TM2D3: variants seen among roughly 807,000 people sequenced by gnomAD.
The protein encoded by TM2D3 is TM2 domain-containing protein 3.
In TM2D3, 33 loss-of-function variants were observed where a neutral mutation model predicts 27.3. That is an observed-to-expected ratio of 1.21 (90% CI 0.92 to 1.61). The LOEUF is 1.61. Ranked by LOEUF, TM2D3 falls within the 40% of genes most tolerant of loss-of-function variation. The pLI is 0.00. For missense variants in TM2D3, 364 were observed against 320.8 expected, an observed-to-expected ratio of 1.13 and a Z score of -1.03; for synonymous variants, 138 against 122.2, an observed-to-expected ratio of 1.13 and a Z score of -0.85.
intron 4 of TM2D3, chr15:101,645,477 C>T (rs115768189): frequency 1.4e-3 from 448 of 310,772 alleles, no homozygotes; most frequent in African/African-American, 9.3e-3. Flanking sequence ...AAGAGAAAGT[C>T]AAGAACCAGA....
Position 101,642,571 on chromosome 15 carries a change from T to C in TM2D3, c.652A>G (p.Ser218Gly). 1 of 1,612,874 alleles carries C rather than the reference T, an allele frequency of 6.2e-7. No homozygotes were observed. Among genetic ancestry groups the C allele is most frequent in the African/African-American group, 1.3e-5 (1 of 75,012 alleles). ...GTCCATATTCCCAGGCCACCGAAGC[T>C]GAAGAGCTTGCCGAGGCCTTCCCGC... is the stretch of plus-strand genomic sequence containing the variant. Reference protein sequence around the residue: ...QWREGLGKLFSFGGLGIWTLI... With the variant: ...QWREGLGKLFGFGGLGIWTLI... The change falls in exon 6 of 6, where the codon AGC (serine) becomes GGC (glycine). Residue 218 changes from serine to glycine, a missense_variant. Coordinates refer to ENST00000333202, the MANE Select transcript of TM2D3 (RefSeq NM_078474.3).
chr15:101,637,383 A>C (rs1896573366), downstream of TM2D3, among the ~76,000 whole-genome samples: 1 of 152,182 alleles, frequency 6.6e-6, no homozygotes, highest in South Asian at 2.1e-4. Context: ...AAAAGACCTG[A>C]AAGGGAAGGG....
chr15:101,646,936 T>C (rs1896829615), intron 3 of TM2D3, 37 bp from the exon 4 acceptor site: 1 of 1,611,236 alleles, frequency 6.2e-7, no homozygotes. Flanking sequence ...TCAATCACAA[T>C]GGTGTAGTCT....
intron 5 of TM2D3, among the ~76,000 whole-genome samples, chr15:101,644,051 G>C (rs1411094401): frequency 6.6e-6 from 1 of 152,054 alleles, no homozygotes; most frequent in Non-Finnish European, 1.5e-5. Flanking sequence ...TCACCATGTT[G>C]GCCAGGCTGG....
At chr15:101,650,326 T>C in intron 2 of TM2D3, 165 bp from the exon 3 acceptor site, 1 of 614,922 alleles carries the variant, frequency 1.6e-6, no homozygotes, top group Non-Finnish European at 2.7e-6. Flanking sequence ...AGCAGAATTC[T>C]GCCCACGGCC....
downstream of TM2D3, among the ~76,000 whole-genome samples, chr15:101,639,330 G>A (rs1166939804): frequency 6.6e-6 from 1 of 151,574 alleles, no homozygotes; most frequent in Non-Finnish European, 1.5e-5. Flanking sequence ...CAGAACAGAG[G>A]GGAAGCTTTA....
In TM2D3 at chr15:101,643,184, T is replaced by C. The variant is rs997923215; in HGVS notation, c.579-540A>G. Among the ~76,000 whole-genome samples, 10 of 152,246 alleles carry C rather than the reference T, an allele frequency of 6.6e-5. No homozygotes were observed. In the South Asian group the frequency reaches 8.3e-4, roughly 13 times the overall value. ...TAACAATAAAAAGTAAAGAGAACAG[T>C]ACCCATGACTCAGCTCCAATAATCA... On this transcript the variant is annotated intron_variant, in intron 5 of 5. Coordinates refer to ENST00000333202, the MANE Select transcript of TM2D3 (RefSeq NM_078474.3).
At chr15:101,640,107 G>A (rs1397463258), downstream of TM2D3, among the ~76,000 whole-genome samples, 1 of 152,222 alleles carries the variant, frequency 6.6e-6, no homozygotes, top group Non-Finnish European at 1.5e-5. Flanking sequence ...TGAACAGGAT[G>A]GCTATCTAAT....
At chr15:101,650,852 AAAG>A (rs1401179696) in intron 2 of TM2D3, among the ~76,000 whole-genome samples, 5 of 152,240 alleles carry the variant, frequency 3.3e-5, no homozygotes, top group East Asian at 1.9e-4. Context: ...GTATTCCTGA[AAAG>A]AAGGGCTTTC....
downstream of TM2D3, among the ~76,000 whole-genome samples, chr15:101,639,910 G>C (rs1419984766): frequency 6.6e-6 from 1 of 152,112 alleles, no homozygotes; most frequent in Non-Finnish European, 1.5e-5. Flanking sequence ...GACAATGGAG[G>C]GGGTAGACAT....
At chr15:101,633,232 A>G (rs1896486853) in exon 5 of TM2D3, 1 of 154,546 alleles carries the variant, frequency 6.5e-6, no homozygotes, top group African/African-American at 2.4e-5. Context: ...AACGTTTGGA[A>G]TGAAGATGAG....
intron 3 of TM2D3, among the ~76,000 whole-genome samples, chr15:101,648,594 C>A (rs1224245774): frequency 6.6e-6 from 1 of 152,204 alleles, no homozygotes; most frequent in Non-Finnish European, 1.5e-5. Flanking sequence ...AGGCCAAGTA[C>A]GCTCTGTGCT....
At chr15:101,639,079 G>A (rs1331383627), downstream of TM2D3, among the ~76,000 whole-genome samples, 2 of 152,166 alleles carry the variant, frequency 1.3e-5, no homozygotes, top group African/African-American at 4.8e-5. Context: ...AAAGTGTTGT[G>A]TTTATGGAAG....
rs765896323 is a variant in TM2D3, at chr15:101,650,102, G to A, written c.229C>T (p.Leu77Phe). ...GTGCAGTCTATACAGTCTGCAGGAAGCCTGCTACACAAACCATTGCTCGGA... is the reference window on the plus strand; with the variant it reads ...GTGCAGTCTATACAGTCTGCAGGAAACCTGCTACACAAACCATTGCTCGGA... ...KCPSNGLCSR[L>F]PADCIDCTTN... Residue 77 changes from leucine to phenylalanine, a missense_variant, in exon 3 of 6, where the codon CTT (leucine) becomes TTT (phenylalanine). By Grantham distance (22) the Leu-to-Phe change is conservative. Coordinates refer to ENST00000333202, the MANE Select transcript of TM2D3 (RefSeq NM_078474.3). 6.2e-7 allele frequency: 1 copy of A among 1,614,186 alleles called. No homozygotes were observed. The highest frequency in any genetic ancestry group is 8.5e-7 in the Non-Finnish European group (1 of 1,179,998).
At chr15:101,645,380 C>T in intron 4 of TM2D3, 3 of 561,568 alleles carry the variant, frequency 5.3e-6, no homozygotes, top group Admixed American at 6.4e-5. Context: ...ACATGAAATG[C>T]TCACCCACAT....
rs1896682009 is a variant in TM2D3, at chr15:101,642,045, A to G, written c.*434T>C. On this transcript the variant is annotated 3_prime_UTR_variant, in exon 6 of 6. Coordinates refer to ENST00000333202, the MANE Select transcript of TM2D3 (RefSeq NM_078474.3). ...AGCCTAATAACTTCAATTAGCCAACAACAGAAACACTCCCACTTCCTGCAG... is the reference window on the plus strand; with the variant it reads ...AGCCTAATAACTTCAATTAGCCAACGACAGAAACACTCCCACTTCCTGCAG... The G allele has an allele frequency of 1.0e-6, 1 of 986,856 alleles. No individual in the cohort carries two copies. The highest frequency in any genetic ancestry group is 1.2e-6 in the Non-Finnish European group (1 of 830,668). 61.1% of individuals were successfully genotyped at this position (986,856 alleles called of 1,614,324 possible). A position where few individuals can be genotyped will look rare whatever the true frequency, so the allele number is the denominator to read the frequency against.
intron 3 of TM2D3, among the ~76,000 whole-genome samples, chr15:101,647,592 A>G (rs1205743230): frequency 6.6e-6 from 1 of 152,210 alleles, no homozygotes; most frequent in African/African-American, 2.4e-5. Flanking sequence ...TTTCAATTTT[A>G]AAAGCCATTA....
chr15:101,644,962 T>C (rs1596264442), intron 5 of TM2D3, 125 bp downstream of exon 5: 1 of 825,060 alleles, frequency 1.2e-6, no homozygotes, highest in Admixed American at 2.5e-5. Flanking sequence ...AGCTGTTTGC[T>C]AGAGTCTAAC....
intron 5 of TM2D3, among the ~76,000 whole-genome samples, chr15:101,644,098 G>A (rs973916538): frequency 3.9e-5 from 6 of 152,090 alleles, no homozygotes; most frequent in East Asian, 1.9e-4. Flanking sequence ...CGCCAGCCTC[G>A]GCCTCCCAAA....
Sources: allele counts gnomAD v4.1 joint callset (sites outside exome capture counted in the v4.1 genomes callset), GRCh38; gene constraint gnomAD v4.1.1; transcripts MANE v1.5; gene names NCBI Gene and HGNC (gene_info 2026-07-23, HGNC 2026-07-21).